The following USP35 variants were observed in gnomAD, a reference collection of about 807,000 sequenced individuals.
The protein encoded by USP35 is ubiquitin carboxyl-terminal hydrolase 35.
In USP35, 69 loss-of-function variants were observed where a neutral mutation model predicts 83.8. The observed-to-expected ratio is 0.82, with a 90% CI of 0.68 to 1.01. The LOEUF (loss-of-function observed/expected upper bound fraction) is 1.01, where lower values mean the gene tolerates loss of function less well. Ranked by LOEUF, USP35 falls within the 50% of genes least tolerant of loss-of-function variation. The probability of loss-of-function intolerance (pLI) is 0.00; values close to 1 mark genes in which losing one functional copy is unlikely to be tolerated. For missense variants in USP35, 1,503 were observed against 1,362.5 expected, an observed-to-expected ratio of 1.10 and a Z score of -1.62; for synonymous variants, 714 against 589.5, an observed-to-expected ratio of 1.21 and a Z score of -3.06.
intron 1 of USP35, among the ~76,000 whole-genome samples, chr11:78,194,797 C>G (rs1482025942): frequency 6.6e-6 from 1 of 152,180 alleles, no homozygotes; most frequent in Non-Finnish European, 1.5e-5. Context: ...GTGCTAGGTG[C>G]TGGGGATACT....
chr11:78,221,052 C>G, the USP35 span, among the ~76,000 whole-genome samples: 1 of 152,228 alleles, frequency 6.6e-6, no homozygotes, highest in Non-Finnish European at 1.5e-5. Flanking sequence ...TCAGATGACA[C>G]GCTCTAGGAT....
At chr11:78,235,340 G>C in the USP35 span, among the ~76,000 whole-genome samples, 1 of 151,944 alleles carries the variant, frequency 6.6e-6, no homozygotes, top group African/African-American at 2.4e-5. Context: ...TTTGAGTAGA[G>C]ATGGGGTTTC....
chr11:78,206,962 T>A (rs1294553377), intron 7 of USP35, among the ~76,000 whole-genome samples: 1 of 152,182 alleles, frequency 6.6e-6, no homozygotes, highest in Non-Finnish European at 1.5e-5. Flanking sequence ...TTTAGCGTAT[T>A]CCTCACATTG....
At chr11:78,199,184 T>G in intron 3 of USP35, 1 of 225,170 alleles carries the variant, frequency 4.4e-6, no homozygotes, top group South Asian at 7.6e-5. Context: ...TTATCCCCAT[T>G]TTACAGAGGA....
chr11:78,228,231 G>T, the USP35 span, among the ~76,000 whole-genome samples: 1 of 152,214 alleles, frequency 6.6e-6, no homozygotes, highest in South Asian at 2.1e-4. Context: ...CAGGTTCTCT[G>T]TAAGTGCTTT....
chr11:78,221,697 C>G, the USP35 span: 4 of 1,612,486 alleles, frequency 2.5e-6, no homozygotes, highest in Non-Finnish European at 3.4e-6. Context: ...TAGTTCTCTT[C>G]GCTGTCTCCT....
intron 6 of USP35, 110 bp downstream of exon 6, chr11:78,200,918 C>T (rs1863336021): frequency 1.4e-6 from 2 of 1,432,578 alleles, no homozygotes; most frequent in Admixed American, 2.6e-5. Flanking sequence ...CATTTGGTGC[C>T]TGGCTGTCTC....
At chr11:78,221,846 G>T in the USP35 span, 1 of 1,131,318 alleles carries the variant, frequency 8.8e-7, no homozygotes, top group Non-Finnish European at 1.3e-6. Flanking sequence ...CTAGCCTCCA[G>T]CTGGGCCCTG....
chr11:78,232,627 A>AT, the USP35 span, among the ~76,000 whole-genome samples: 1 of 152,242 alleles, frequency 6.6e-6, no homozygotes, highest in Non-Finnish European at 1.5e-5. Context: ...ATTATCTAGT[A>AT]CTTGAAGGAA....
rs1864055098 is a variant in USP35, at chr11:78,215,145, ACAGACGCTGAGGTAGAGAG to A, written c.*1335_*1353del. Among the ~76,000 whole-genome samples the A allele has an allele frequency of 6.6e-6, 1 of 152,160 alleles. No individual in the cohort carries two copies. The highest frequency in any genetic ancestry group is 6.5e-5 in the Admixed American group (1 of 15,270). On this transcript the variant is annotated 3_prime_UTR_variant, in exon 11 of 11. Coordinates refer to ENST00000529308, the MANE Select transcript of USP35 (RefSeq NM_020798.4). The stretch of plus-strand genomic sequence containing the variant: ...ATGCTAGTATGATTTCCACTTTACA[ACAGACGCTGAGGTAGAGAG>A]CATTTGTTCTTATTCACAGCCAAGA...
At chr11:78,217,329 A>C (rs1864198230), downstream of USP35, 1 of 152,210 alleles carries the variant, frequency 6.6e-6, no homozygotes, top group Non-Finnish European at 1.5e-5. Flanking sequence ...CAGAAACTGG[A>C]GACAGCAGCC....
In USP35 at chr11:78,210,576, C is replaced by T. The variant is rs1005786172; in HGVS notation, c.2721C>T (p.Ser907=). The T allele has an allele frequency of 6.2e-7, 1 of 1,613,732 alleles. No homozygotes were observed. Among genetic ancestry groups the T allele is most frequent in the South Asian group, 1.1e-5 (1 of 91,062 alleles). ...RVSFSSFESV[S]NVTSFFPKDT... ...CCTTCTCTTCCTTCGAATCTGTCAG[C>T]AACGTCACCTCCTTCTTCCCTAAGG... The change falls in exon 10 of 11, where the codon AGC becomes AGT. Residue 907 remains serine, a synonymous_variant. Transcript: ENST00000529308.
chr11:78,191,077 T>G (rs1315196671), intron 1 of USP35, among the ~76,000 whole-genome samples: 1 of 152,156 alleles, frequency 6.6e-6, no homozygotes, highest in African/African-American at 2.4e-5. Context: ...CGATGCTGCA[T>G]CTGGAGAGAC....
At chr11:78,230,276 C>G in the USP35 span, among the ~76,000 whole-genome samples, 16 of 152,226 alleles carry the variant, frequency 1.1e-4, no homozygotes, top group Non-Finnish European at 1.8e-4. Flanking sequence ...TTCCCTCTAC[C>G]CCGGCATCCT....
Position 78,213,770 on chromosome 11 carries a change from C to A in USP35, c.3014C>A (p.Pro1005His). The change falls in exon 11 of 11, where the codon CCT (proline) becomes CAT (histidine). Residue 1005 changes from proline to histidine, a missense_variant. Physicochemically the swap from Pro to His is moderately conservative, Grantham distance 77. Transcript: ENST00000529308. Reference protein sequence around the residue: ...EDEGSPGGCNPAGGNGGDFHR... With the variant: ...EDEGSPGGCNHAGGNGGDFHR... Reference sequence around the variant, plus strand: ...GAAGGCTCTCCAGGGGGCTGCAATCCTGCAGGTGGCAATGGTGGTGACTTC... The same window carrying A: ...GAAGGCTCTCCAGGGGGCTGCAATCATGCAGGTGGCAATGGTGGTGACTTC... 2 of 1,550,130 alleles carry A rather than the reference C, an allele frequency of 1.3e-6. No individual in the cohort carries two copies. The highest frequency in any genetic ancestry group is 1.7e-6 in the Non-Finnish European group (2 of 1,156,576).
At chr11:78,207,437 G>T in intron 7 of USP35, 93 bp from the exon 8 acceptor site, 2 of 1,259,276 alleles carry the variant, frequency 1.6e-6, no homozygotes, top group Non-Finnish European at 2.3e-6. Context: ...TTCTGCCTTT[G>T]GCCTAGAGGC....
Position 78,213,996 on chromosome 11 carries a change from T to C in USP35, c.*183T>C. ...GAAGTAAGACCTAAGTCCCTTTCAT[T>C]GGGGATCAGTCCCATTAAAACTTTA... On this transcript the variant is annotated 3_prime_UTR_variant, in exon 11 of 11. Coordinates refer to ENST00000529308, the MANE Select transcript of USP35 (RefSeq NM_020798.4). The C allele has an allele frequency of 1.6e-6, 1 of 625,552 alleles. No individual in the cohort carries two copies. The highest frequency in any genetic ancestry group is 2.5e-6 in the Non-Finnish European group (1 of 408,042). The allele number at this position is 625,552 out of a possible 1,614,324, so 38.8% of individuals were successfully genotyped here.
At chr11:78,216,801 A>G (rs1245104180), downstream of USP35, 1 of 152,184 alleles carries the variant, frequency 6.6e-6, no homozygotes, top group Non-Finnish European at 1.5e-5. Context: ...CACCAGTTAA[A>G]AGCTCTGTCG....
intron 7 of USP35, among the ~76,000 whole-genome samples, chr11:78,206,977 CT>C (rs2134407186): frequency 6.6e-6 from 1 of 152,354 alleles, no homozygotes; most frequent in South Asian, 2.1e-4. Flanking sequence ...ACATTGACCT[CT>C]GCCTCCCTCA....
Sources: allele counts gnomAD v4.1 joint callset (sites outside exome capture counted in the v4.1 genomes callset), GRCh38; gene constraint gnomAD v4.1.1; transcripts MANE v1.5; gene names NCBI Gene and HGNC (gene_info 2026-07-23, HGNC 2026-07-21).